ARNT2: variants seen among roughly 807,000 people sequenced by gnomAD.
ARNT2 encodes aryl hydrocarbon receptor nuclear translocator 2.
Under a neutral mutation model 91.7 loss-of-function variants are expected in ARNT2, and 36 were observed. The observed-to-expected ratio is 0.39, with a 90% CI of 0.30 to 0.52. ARNT2 has a LOEUF of 0.52. Ranked by LOEUF, ARNT2 falls within the 20% of genes least tolerant of loss-of-function variation. The pLI is 0.72. For synonymous variants in ARNT2, 365 were observed against 347.1 expected, an observed-to-expected ratio of 1.05 and a Z score of -0.57; for missense variants, 775 against 939.3, an observed-to-expected ratio of 0.83 and a Z score of 2.29.
chr15:80,565,659 G>A (rs1429223204), intron 12 of ARNT2, among the ~76,000 whole-genome samples: 1 of 150,606 alleles, frequency 6.6e-6, no homozygotes, highest in African/African-American at 2.4e-5. Flanking sequence ...TCATTTGTTT[G>A]TTGGCTGTTT....
intron 11 of ARNT2, among the ~76,000 whole-genome samples, chr15:80,561,826 A>G (rs1424787017): frequency 1.3e-5 from 2 of 152,226 alleles, no homozygotes; most frequent in Admixed American, 6.5e-5. Flanking sequence ...TTATTTACTT[A>G]ATAATAGCCC....
At chr15:80,504,229 C>T (rs1232410029) in intron 5 of ARNT2, among the ~76,000 whole-genome samples, 1 of 152,212 alleles carries the variant, frequency 6.6e-6, no homozygotes, top group Non-Finnish European at 1.5e-5. Flanking sequence ...CTTTCTCACT[C>T]TTCCTGGCTT....
rs1462489774 is a variant in ARNT2 at position 80,597,202 on chromosome 15, A to G, written c.*3504A>G. On this transcript the variant is annotated 3_prime_UTR_variant, in exon 19 of 19. Coordinates refer to ENST00000303329, the MANE Select transcript of ARNT2 (RefSeq NM_014862.4). Reference sequence around the variant, plus strand: ...GAAAGAAACCAGTCCCAGGGAATGAATGGTGGTCTCCCCACTCCCGGCAGC... The same window carrying G: ...GAAAGAAACCAGTCCCAGGGAATGAGTGGTGGTCTCCCCACTCCCGGCAGC... 1.9e-6 allele frequency: 1 copy of G among 518,512 alleles called. No homozygotes were observed. Among genetic ancestry groups the G allele is most frequent in the East Asian group, 5.5e-5 (1 of 18,336 alleles). 32.1% of individuals were successfully genotyped at this position (518,512 alleles called of 1,614,324 possible).
chr15:80,405,610 C>T (rs1219841385), intron 1 of ARNT2, among the ~76,000 whole-genome samples: 6 of 152,174 alleles, frequency 3.9e-5, no homozygotes, highest in African/African-American at 1.4e-4. Context: ...TTGGACATTT[C>T]GGCTGAACCT....
intron 1 of ARNT2, chr15:80,441,525 G>C (rs1468778136): frequency 5.3e-6 from 2 of 379,946 alleles, no homozygotes; most frequent in Admixed American, 6.4e-5. Context: ...TCATTTATTT[G>C]AATGGCCATT....
chr15:80,576,773 A>G, intron 14 of ARNT2, 93 bp from the exon 15 acceptor site: 4 of 1,363,398 alleles, frequency 2.9e-6, no homozygotes, highest in Non-Finnish European at 4.2e-6. Context: ...TCCCGTTCCC[A>G]CGCCCACCCC....
intron 1 of ARNT2, among the ~76,000 whole-genome samples, chr15:80,447,435 G>A (rs1239314314): frequency 6.6e-6 from 1 of 152,218 alleles, no homozygotes; most frequent in Admixed American, 6.5e-5. Context: ...CTTGGTGAGT[G>A]AAATTCAGAA....
At chr15:80,584,091 T>G in intron 17 of ARNT2, among the ~76,000 whole-genome samples, 1 of 151,334 alleles carries the variant, frequency 6.6e-6, no homozygotes, top group African/African-American at 2.4e-5. Flanking sequence ...AGTGAACAGG[T>G]GATAGAGTGG....
intron 1 of ARNT2, among the ~76,000 whole-genome samples, chr15:80,446,921 T>A (rs2141378008): frequency 6.6e-6 from 1 of 152,304 alleles, no homozygotes; most frequent in Non-Finnish European, 1.5e-5. Context: ...TCCTGTGTCT[T>A]CCACATGAAA....
chr15:80,529,666 C>T (rs141245739), intron 8 of ARNT2, among the ~76,000 whole-genome samples: 106 of 152,190 alleles, frequency 7.0e-4, no homozygotes, highest in Non-Finnish European at 1.2e-3. Flanking sequence ...TCTTTCTTCA[C>T]GATAGGAGAA....
At chr15:80,428,993 C>T (rs1311545677) in intron 1 of ARNT2, among the ~76,000 whole-genome samples, 1 of 152,178 alleles carries the variant, frequency 6.6e-6, no homozygotes, top group Non-Finnish European at 1.5e-5. Context: ...CCAAATCCCC[C>T]TTTAAAATAA....
intron 5 of ARNT2, among the ~76,000 whole-genome samples, chr15:80,479,640 C>T (rs1249162507): frequency 6.6e-6 from 1 of 152,188 alleles, no homozygotes; most frequent in East Asian, 1.9e-4. Context: ...TTGTTCAAGG[C>T]CTCATCCACC....
At chr15:80,423,914 C>T (rs1024878956) in intron 1 of ARNT2, among the ~76,000 whole-genome samples, 4 of 152,154 alleles carry the variant, frequency 2.6e-5, no homozygotes, top group Admixed American at 1.3e-4. Flanking sequence ...TCCAGGCAAG[C>T]GTTTGGCTTC....
At chr15:80,465,441 A>G (rs533434821) in intron 3 of ARNT2, among the ~76,000 whole-genome samples, 45 of 152,244 alleles carry the variant, frequency 3.0e-4, no homozygotes, top group Non-Finnish European at 6.0e-4. Context: ...GGAGGTAGAA[A>G]TGGAAGCTGA....
chr15:80,452,719 G>T (rs1180100523), intron 2 of ARNT2, among the ~76,000 whole-genome samples: 1 of 152,184 alleles, frequency 6.6e-6, no homozygotes, highest in African/African-American at 2.4e-5. Context: ...CTCAGGCCCA[G>T]CCTAGTACTT....
At position 80,468,315 on chromosome 15, in the gene ARNT2, C is replaced by T. The variant is rs968947070; in HGVS notation, c.195-1903C>T. ...CCTCTCCCGCAACCTGCACCTCCCC[C>T]GAGAAGCCAGCCACAGAGGCAGAGA... On this transcript the variant is annotated intron_variant, in intron 3 of 18. Coordinates refer to ENST00000303329, the MANE Select transcript of ARNT2 (RefSeq NM_014862.4). Among the ~76,000 whole-genome samples the T allele has an allele frequency of 9.2e-5, 14 of 152,104 alleles. 1 individual carries two copies. In the East Asian group the frequency reaches 2.3e-3, roughly 25 times the overall value.
At chr15:80,479,133 A>T (rs1204978860) in intron 5 of ARNT2, among the ~76,000 whole-genome samples, 4 of 152,124 alleles carry the variant, frequency 2.6e-5, no homozygotes, top group Non-Finnish European at 5.9e-5. Context: ...CCTGTACTGA[A>T]TGTGTGGAGG....
At chr15:80,475,458 G>C in intron 5 of ARNT2, 1 of 401,134 alleles carries the variant, frequency 2.5e-6, no homozygotes, top group Non-Finnish European at 4.7e-6. Flanking sequence ...TACTCCGGAG[G>C]CTGAGGTGGG....
At chr15:80,495,117 A>G (rs1292383639) in intron 5 of ARNT2, among the ~76,000 whole-genome samples, 4 of 151,822 alleles carry the variant, frequency 2.6e-5, no homozygotes, top group African/African-American at 9.7e-5. Flanking sequence ...TCCTTATTCC[A>G]TGGCCACTGA....
Sources: gnomAD v4.1 joint callset for allele counts (sites outside exome capture counted in the v4.1 genomes callset) on GRCh38, gnomAD v4.1.1 for gene constraint, MANE v1.5 for transcripts, NCBI Gene and HGNC (gene_info 2026-07-23, HGNC 2026-07-21) for gene names.